The following TRPM3 variants were observed in gnomAD, a reference collection of about 807,000 sequenced individuals.
TRPM3 encodes the protein transient receptor potential cation channel subfamily M member 3, also known as long transient receptor potential channel 3.
In TRPM3, 77 loss-of-function variants were observed where a neutral mutation model predicts 181.2. That is an observed-to-expected ratio of 0.42 (90% confidence interval 0.35 to 0.51). The LOEUF (loss-of-function observed/expected upper bound fraction) is 0.51, where lower values mean the gene tolerates loss of function less well. Ranked by LOEUF, TRPM3 falls within the 20% of genes least tolerant of loss-of-function variation. The probability of loss-of-function intolerance (pLI) is 0.01; values close to 1 mark genes in which losing one functional copy is unlikely to be tolerated. For missense variants in TRPM3, 1,759 were observed against 2,196.7 expected (o/e 0.80, Z 3.98); for synonymous variants, 745 against 796.4 (o/e 0.94, Z 1.09).
chr9:71,325,063 A>G (rs2089564095), intron 1 of TRPM3, among the ~76,000 whole-genome samples: 1 of 152,106 alleles, frequency 6.6e-6, no homozygotes, highest in African/African-American at 2.4e-5. Flanking sequence ...ACAAAAATCT[A>G]TTGTACTCAG....
At chr9:70,829,494 T>A (rs967428665) in intron 5 of TRPM3, among the ~76,000 whole-genome samples, 4 of 152,164 alleles carry the variant, frequency 2.6e-5, no homozygotes, top group African/African-American at 9.7e-5. Context: ...ATATAAAATG[T>A]GTATATAATT....
At chr9:70,544,154 G>A (rs1027196557) in intron 25 of TRPM3, among the ~76,000 whole-genome samples, 4 of 151,940 alleles carry the variant, frequency 2.6e-5, no homozygotes, top group African/African-American at 9.7e-5. Context: ...AGAACCAATG[G>A]GAAATAAAAA....
intron 7 of TRPM3, among the ~76,000 whole-genome samples, chr9:70,770,699 G>A (rs576824099): frequency 2.0e-5 from 3 of 152,294 alleles, no homozygotes; most frequent in South Asian, 4.1e-4. Context: ...TTAAATAAGG[G>A]TAGTATATGT....
chr9:70,618,889 A>G lies in TRPM3; in HGVS notation c.2336T>C (p.Met779Thr), dbSNP rs2063193773. The G allele has an allele frequency of 4.4e-6, 7 of 1,607,922 alleles. No individual in the cohort carries two copies. In the Admixed American group the frequency reaches 8.3e-5, roughly 19 times the overall value. ...LTDMWMGRLR[M>T]RKNSGLKVIL... ...GACCTTGAGGCCTGAGTTCTTGCGC[A>G]TGCGGAGCCGGCCCATCCACATGTC... The change falls in exon 17 of 26, where the codon ATG becomes ACG. Residue 779 changes from methionine to threonine, a missense_variant. Met to Thr is a moderately conservative substitution (Grantham distance 81). Around this residue, in one of 8 missense-constraint regions of TRPM3, gnomAD observed 114 missense variants for 134.8 expected, o/e 0.85. Coordinates refer to ENST00000677713, the MANE Select transcript of TRPM3 (RefSeq NM_001366145.2).
intron 1 of TRPM3, among the ~76,000 whole-genome samples, chr9:71,015,716 T>G (rs1343241066): frequency 6.6e-6 from 1 of 152,186 alleles, no homozygotes; most frequent in Non-Finnish European, 1.5e-5. Flanking sequence ...AACGTTCTTT[T>G]TTATAATAGG....
In TRPM3 at chr9:70,537,037, T is replaced by C; in HGVS notation, c.4076A>G (p.Lys1359Arg). Reference sequence around the variant, plus strand: ...ACTTTCCAACTTTTCTATACCACCTTTGTCTTTCATATTGACCGAATAGAA... The same window carrying C: ...ACTTTCCAACTTTTCTATACCACCTCTGTCTTTCATATTGACCGAATAGAA... ...HSFYSVNMKD[K>R]GGIEKLESIF... The change falls in exon 26 of 26, where the codon AAA becomes AGA. Residue 1359 changes from lysine to arginine, a missense_variant. By Grantham distance (26) the Lys-to-Arg change is conservative. This residue lies in a region of TRPM3 where 612 missense variants were observed against 590.0 expected (regional missense o/e 1.04). Coordinates refer to ENST00000677713, the MANE Select transcript of TRPM3 (RefSeq NM_001366145.2). 1 of 1,611,996 alleles carries C rather than the reference T, an allele frequency of 6.2e-7. No homozygotes were observed. Among genetic ancestry groups the C allele is most frequent in the South Asian group, 1.1e-5 (1 of 91,050 alleles).
chr9:71,110,383 T>C (rs1219323416), intron 1 of TRPM3, among the ~76,000 whole-genome samples: 2 of 152,212 alleles, frequency 1.3e-5, no homozygotes, highest in Non-Finnish European at 2.9e-5. Flanking sequence ...CATTCGACAA[T>C]TATATGTAAT....
At chr9:71,145,268 T>A (rs1035117571) in intron 1 of TRPM3, among the ~76,000 whole-genome samples, 2 of 152,152 alleles carry the variant, frequency 1.3e-5, no homozygotes, top group African/African-American at 4.8e-5. Context: ...CATTTGGAAG[T>A]CTAATAGGGT....
rs115761193 is a variant in TRPM3, at chr9:70,927,167, G to A, written c.178-62656C>T. Among the ~76,000 whole-genome samples the A allele has an allele frequency of 5.2e-3, 785 of 152,238 alleles. 8 individuals are homozygous for A. The highest frequency in any genetic ancestry group is 0.018 in the African/African-American group (746 of 41,548). On this transcript the variant is annotated intron_variant, in intron 1 of 25. Transcript: ENST00000677713. ...CCATTCCTTTGAATCTGAGTTTATT[G>A]TACTCTAGTTCTCTTTTCCTGGGAA...
intron 3 of TRPM3, among the ~76,000 whole-genome samples, chr9:70,857,321 G>A (rs1325978037): frequency 7.5e-6 from 1 of 133,216 alleles, no homozygotes; most frequent in Non-Finnish European, 1.8e-5. Flanking sequence ...TCTCTGTCAA[G>A]GGCTGGTTTC....
intron 1 of TRPM3, among the ~76,000 whole-genome samples, chr9:70,994,382 C>T (rs1487859352): frequency 6.6e-6 from 1 of 152,166 alleles, no homozygotes; most frequent in Non-Finnish European, 1.5e-5. Flanking sequence ...AACTCCAAAG[C>T]CTATGATCTT....
In TRPM3 at chr9:70,625,376, G is replaced by C. The variant is rs765469438; in HGVS notation, c.1669-45C>G. The C allele has an allele frequency of 1.2e-6, 2 of 1,612,018 alleles. No homozygotes were observed. The highest frequency in any genetic ancestry group is 1.1e-5 in the South Asian group (1 of 90,834). ...CAAACAGACAAATCCAAAAGACAACGTGGTTTACTAGGGATTCTACTTCAC... is the reference window on the plus strand; with the variant it reads ...CAAACAGACAAATCCAAAAGACAACCTGGTTTACTAGGGATTCTACTTCAC... On this transcript the variant is annotated intron_variant, in intron 13 of 25. Coordinates refer to ENST00000677713, the MANE Select transcript of TRPM3 (RefSeq NM_001366145.2). The surrounding 1 kb of genome is among the most constrained non-coding windows in gnomAD (Gnocchi z 4.8).
chr9:71,009,178 A>G (rs2097709901), intron 1 of TRPM3, among the ~76,000 whole-genome samples: 1 of 152,176 alleles, frequency 6.6e-6, no homozygotes, highest in Non-Finnish European at 1.5e-5. Context: ...ATCCACTTTC[A>G]TCACTTTTTA....
At chr9:71,066,658 T>C (rs141385797) in intron 1 of TRPM3, among the ~76,000 whole-genome samples, 5 of 152,286 alleles carry the variant, frequency 3.3e-5, no homozygotes, top group Middle Eastern at 3.4e-3. Context: ...TTTTGGCATA[T>C]CAAGATGTAC....
rs139729217 is a variant in TRPM3 at position 70,984,606 on chromosome 9, G to A, written c.178-120095C>T. On this transcript the variant is annotated intron_variant, in intron 1 of 25. Transcript: ENST00000677713. ...TGACCAGAAAACAGATATTCTCAAG[G>A]ATTATGCACAACAGGGGAGAAAGTG... Among the ~76,000 whole-genome samples the A allele has an allele frequency of 3.9e-3, 589 of 152,306 alleles. 2 individuals carry two copies. The highest frequency in any genetic ancestry group is 6.8e-3 in the Non-Finnish European group (460 of 68,026).
At chr9:71,077,551 C>G (rs1185068339) in intron 1 of TRPM3, among the ~76,000 whole-genome samples, 2 of 152,144 alleles carry the variant, frequency 1.3e-5, no homozygotes, top group Admixed American at 1.3e-4. Context: ...TACATAAATG[C>G]TATAGGCTAG....
chr9:71,306,222 G>T (rs1382244356), intron 1 of TRPM3, among the ~76,000 whole-genome samples: 2 of 152,134 alleles, frequency 1.3e-5, no homozygotes, highest in African/African-American at 4.8e-5. Flanking sequence ...TGGCTATTGA[G>T]ATAAAATCAA....
At chr9:71,086,652 G>A (rs1043924650) in intron 1 of TRPM3, among the ~76,000 whole-genome samples, 1 of 151,896 alleles carries the variant, frequency 6.6e-6, no homozygotes, top group African/African-American at 2.4e-5. Context: ...TTATTTCATT[G>A]CAGTGCAAAC....
chr9:70,673,949 CAAA>C (rs5898160), intron 9 of TRPM3, among the ~76,000 whole-genome samples: 1 of 89,644 alleles, frequency 1.1e-5, no homozygotes, highest in Non-Finnish European at 2.0e-5. Flanking sequence ...AACTCCATCT[CAAA>C]AAAAAAAAAA....
Sources: gnomAD v4.1 joint callset for allele counts (sites outside exome capture counted in the v4.1 genomes callset) on GRCh38, gnomAD v4.1.1 for gene constraint, gnomAD v4.1.1 regional missense constraint, Gnocchi (gnomAD v3.1) non-coding constraint, MANE v1.5 for transcripts, NCBI Gene and HGNC (gene_info 2026-07-23, HGNC 2026-07-21) for gene names.